The following ZNG1A variants were observed in gnomAD, a reference collection of about 807,000 sequenced individuals.
ZNG1A encodes the protein zinc-regulated GTPase metalloprotein activator 1A.
the ZNG1A span, chr9:167,410 A>G: frequency 6.6e-6 from 1 of 150,720 alleles, no homozygotes; most frequent in Non-Finnish European, 1.5e-5. Context: ...GAGGGGGAAT[A>G]AAGTGTGACT....
At chr9:178,808 T>G in the ZNG1A span, 2 of 1,125,676 alleles carry the variant, frequency 1.8e-6, no homozygotes, top group Non-Finnish European at 2.5e-6. Context: ...ACTGGGATGG[T>G]TAGTTACCTA....
chr9:146,342 T>C, the ZNG1A span: 2 of 544,472 alleles, frequency 3.7e-6, no homozygotes, highest in East Asian at 3.1e-5. Context: ...TTCAATGAAT[T>C]AGGTTTCTTT....
chr9:174,645 A>G, the ZNG1A span, among the ~76,000 whole-genome samples: 2 of 150,340 alleles, frequency 1.3e-5, no homozygotes, highest in Non-Finnish European at 3.0e-5. Context: ...GTTTATTAAA[A>G]CCAGAAATCG....
chr9:138,341 G>A, the ZNG1A span, among the ~76,000 whole-genome samples: 1 of 145,222 alleles, frequency 6.9e-6, no homozygotes, highest in African/African-American at 2.6e-5. Flanking sequence ...TGCCCTGCCT[G>A]TCCCACACTT....
At chr9:174,088 A>T in the ZNG1A span, among the ~76,000 whole-genome samples, 2 of 150,748 alleles carry the variant, frequency 1.3e-5, no homozygotes, top group Non-Finnish European at 3.0e-5. Flanking sequence ...CGGAGGTTGC[A>T]GTGACCCGAG....
At chr9:153,571 C>T in the ZNG1A span, 1 of 150,890 alleles carries the variant, frequency 6.6e-6, no homozygotes, top group Non-Finnish European at 1.5e-5. Context: ...GGATTAGAAC[C>T]CAAGCAGATT....
At chr9:132,745 A>C in the ZNG1A span, among the ~76,000 whole-genome samples, 1 of 54,092 alleles carries the variant, frequency 1.8e-5, no homozygotes, top group African/African-American at 9.2e-5. Context: ...TGGCAGAATC[A>C]GGAAGGTCAC....
At chr9:154,926 T>C in the ZNG1A span, 1 of 934,538 alleles carries the variant, frequency 1.1e-6, no homozygotes, top group Non-Finnish European at 1.6e-6. Flanking sequence ...ATATATCAGT[T>C]AAGAATTATC....
the ZNG1A span, among the ~76,000 whole-genome samples, chr9:140,020 A>G: frequency 0.49 from 73,168 of 149,586 alleles, 20,040 homozygotes; most frequent in African/African-American, 0.64. Context: ...CCACGCCCAC[A>G]GAGTCTCGCT....
At chr9:171,930 C>A in the ZNG1A span, 2 of 1,141,506 alleles carry the variant, frequency 1.8e-6, no homozygotes, top group Admixed American at 2.2e-5. Context: ...AAGAAAATGA[C>A]AACCGAGTAC....
chr9:147,613 A>T, the ZNG1A span: 2 of 144,564 alleles, frequency 1.4e-5, no homozygotes, highest in African/African-American at 5.7e-5. Flanking sequence ...AATTAGAAAA[A>T]TGATCAAGCA....
At chr9:174,494 A>G in the ZNG1A span, among the ~76,000 whole-genome samples, 27 of 152,160 alleles carry the variant, frequency 1.8e-4, no homozygotes, top group East Asian at 5.0e-3. Flanking sequence ...ATAAAATTGC[A>G]AAAATGATCC....
chr9:153,517 A>C, the ZNG1A span: 2 of 147,292 alleles, frequency 1.4e-5, no homozygotes, highest in African/African-American at 5.0e-5. Flanking sequence ...GAGGCTTTAA[A>C]AGGGTAAATA....
the ZNG1A span, chr9:146,150 A>T: frequency 1.5e-4 from 232 of 1,566,920 alleles, 4 homozygotes; most frequent in East Asian, 5.2e-3. Context: ...TACATTAGAG[A>T]GATCAACTCT....
the ZNG1A span, among the ~76,000 whole-genome samples, chr9:168,162 G>A: frequency 8.2e-6 from 1 of 121,230 alleles, no homozygotes; most frequent in Non-Finnish European, 1.7e-5. Flanking sequence ...AGCAGCAAAT[G>A]CTGATATAGA....
chr9:126,545 T>C, the ZNG1A span, among the ~76,000 whole-genome samples: 1 of 152,126 alleles, frequency 6.6e-6, no homozygotes. Flanking sequence ...GTGGTGTCAG[T>C]TGTAATATCT....
the ZNG1A span, among the ~76,000 whole-genome samples, chr9:139,644 C>G: frequency 3.9e-5 from 6 of 152,078 alleles, no homozygotes; most frequent in East Asian, 5.8e-4. Context: ...TTAAAGTGAA[C>G]AGAGGAGAGA....
the ZNG1A span, chr9:172,318 A>G: frequency 2.1e-6 from 2 of 960,682 alleles, no homozygotes; most frequent in Middle Eastern, 3.4e-4. Context: ...CCTTCTAACA[A>G]AATGTCCGTC....
chr9:131,781 C>G, the ZNG1A span, among the ~76,000 whole-genome samples: 1 of 149,798 alleles, frequency 6.7e-6, no homozygotes, highest in African/African-American at 2.5e-5. Context: ...CCTTATCACA[C>G]AGTATCTTCC....
Sources: allele counts gnomAD v4.1 joint callset (sites outside exome capture counted in the v4.1 genomes callset), GRCh38; gene constraint gnomAD v4.1.1; transcripts MANE v1.5; gene names NCBI Gene and HGNC (gene_info 2026-07-23, HGNC 2026-07-21).